Variants in KCNIP1 observed in about 807,000 individuals in gnomAD.
KCNIP1 encodes the protein A-type potassium channel modulatory protein KCNIP1.
KCNIP1 carries 18 observed loss-of-function variants against 33.0 expected under a neutral mutation model. The observed-to-expected ratio is 0.55, with a 90% confidence interval of 0.38 to 0.81. The LOEUF is 0.81. Ranked by LOEUF, KCNIP1 falls within the 30% of genes least tolerant of loss-of-function variation. KCNIP1 has a pLI of 0.00. For missense variants in KCNIP1, 238 were observed against 271.6 expected, an observed-to-expected ratio of 0.88 and a Z score of 0.87; for synonymous variants, 93 against 98.3, an observed-to-expected ratio of 0.95 and a Z score of 0.32.
intron 1 of KCNIP1, among the ~76,000 whole-genome samples, chr5:170,508,938 T>C (rs1482091082): frequency 3.3e-5 from 5 of 152,022 alleles, no homozygotes; most frequent in African/African-American, 1.2e-4. Context: ...GAGGTCAGGG[T>C]TCTTGGGGGT....
intron 1 of KCNIP1, among the ~76,000 whole-genome samples, chr5:170,672,277 C>A (rs978328444): frequency 1.3e-5 from 2 of 152,198 alleles, no homozygotes; most frequent in African/African-American, 4.8e-5. Context: ...TCAATGACAG[C>A]AACATATGGC....
chr5:170,363,897 A>AC (rs139162114), intron 1 of KCNIP1, among the ~76,000 whole-genome samples: 4,149 of 152,094 alleles, frequency 0.027, 112 homozygotes, highest in African/African-American at 0.071. Context: ...TCTGGCAGCC[A>AC]CCACTGTACT....
upstream of KCNIP1, chr5:170,503,990 C>T (rs1754592929): frequency 2.1e-6 from 2 of 946,602 alleles, no homozygotes; most frequent in South Asian, 4.8e-5. Context: ...GCCCGCCCGC[C>T]GCCCCCTCCG....
rs151221366 is a variant in KCNIP1, at chr5:170,462,718, G to A, written c.88+108754G>A. Among the ~76,000 whole-genome samples, 124 of 152,238 alleles carry A rather than the reference G, an allele frequency of 8.1e-4. 1 individual carries two copies. In the East Asian group the frequency reaches 0.023, roughly 28 times the overall value. ...CAGCACAATTCGCAATTGTAAAAAC[G>A]TGGAACCAGCCCAAATGCACATAAA... On this transcript the variant is annotated intron_variant, in intron 1 of 7. Transcript: ENST00000377360.
At chr5:170,679,635 G>A (rs915828628) in intron 1 of KCNIP1, among the ~76,000 whole-genome samples, 15 of 150,706 alleles carry the variant, frequency 1.0e-4, no homozygotes, top group African/African-American at 3.7e-4. Flanking sequence ...CAGTGTGTGT[G>A]TGTGTGTGTG....
At chr5:170,388,680 G>A (rs1373984940) in intron 1 of KCNIP1, among the ~76,000 whole-genome samples, 1 of 152,182 alleles carries the variant, frequency 6.6e-6, no homozygotes, top group Non-Finnish European at 1.5e-5. Flanking sequence ...GTTTGGTGGG[G>A]TGTGGACAGG....
intron 1 of KCNIP1, among the ~76,000 whole-genome samples, chr5:170,632,854 G>A (rs760696452): frequency 6.6e-6 from 1 of 152,204 alleles, no homozygotes; most frequent in African/African-American, 2.4e-5. Flanking sequence ...CTAATGCTGT[G>A]CTGAGGGTTC....
At chr5:170,413,510 T>C (rs1755250721) in intron 1 of KCNIP1, among the ~76,000 whole-genome samples, 1 of 152,106 alleles carries the variant, frequency 6.6e-6, no homozygotes, top group Non-Finnish European at 1.5e-5. Flanking sequence ...GGGTGTGACC[T>C]TGCACTTCTC....
chr5:170,682,288 T>C (rs1762377744), intron 1 of KCNIP1, among the ~76,000 whole-genome samples: 1 of 152,220 alleles, frequency 6.6e-6, no homozygotes, highest in Non-Finnish European at 1.5e-5. Flanking sequence ...ATGATGACTT[T>C]AGATCTCTGT....
chr5:170,717,384 G>T (rs1763675995), intron 1 of KCNIP1, among the ~76,000 whole-genome samples: 1 of 151,932 alleles, frequency 6.6e-6, no homozygotes, highest in Non-Finnish European at 1.5e-5. Context: ...ATGAATTCTG[G>T]GGAAATTGGC....
intron 1 of KCNIP1, among the ~76,000 whole-genome samples, chr5:170,404,503 G>T (rs1267788590): frequency 1.3e-5 from 2 of 152,176 alleles, no homozygotes; most frequent in African/African-American, 2.4e-5. Flanking sequence ...CTTGCAGTCA[G>T]TCGGTCCCAG....
chr5:170,450,161 A>G (rs1248504552), intron 1 of KCNIP1, among the ~76,000 whole-genome samples: 1 of 103,556 alleles, frequency 9.7e-6, no homozygotes, highest in Admixed American at 1.6e-4. Flanking sequence ...TTAATTACCC[A>G]CAAGTGTGTT....
intron 1 of KCNIP1, among the ~76,000 whole-genome samples, chr5:170,671,546 C>T (rs1475751795): frequency 6.6e-6 from 1 of 152,144 alleles, no homozygotes; most frequent in South Asian, 2.1e-4. Context: ...GCTGTCATGG[C>T]CCTGAGTATT....
intron 1 of KCNIP1, among the ~76,000 whole-genome samples, chr5:170,478,060 G>A (rs1756896513): frequency 6.6e-6 from 1 of 152,100 alleles, no homozygotes; most frequent in Non-Finnish European, 1.5e-5. Flanking sequence ...CATGCCTCCT[G>A]GGAGGTTCAG....
intron 1 of KCNIP1, among the ~76,000 whole-genome samples, chr5:170,652,102 G>C (rs1761066048): frequency 6.6e-6 from 1 of 152,180 alleles, no homozygotes; most frequent in Non-Finnish European, 1.5e-5. Flanking sequence ...GAGACAGAGA[G>C]AGGAAGACAA....
intron 1 of KCNIP1, among the ~76,000 whole-genome samples, chr5:170,627,891 C>T (rs916361075): frequency 7.2e-5 from 11 of 152,216 alleles, no homozygotes; most frequent in Admixed American, 3.9e-4. Flanking sequence ...CCCAAAGAAA[C>T]GTATCAGCAG....
intron 1 of KCNIP1, among the ~76,000 whole-genome samples, chr5:170,546,904 G>C (rs1001462964): frequency 1.3e-5 from 2 of 152,018 alleles, no homozygotes; most frequent in Non-Finnish European, 2.9e-5. Flanking sequence ...CTTTCTATCT[G>C]TGCTAATTTT....
intron 1 of KCNIP1, among the ~76,000 whole-genome samples, chr5:170,591,490 GCAGTT>G (rs1202913931): frequency 5.9e-5 from 9 of 152,258 alleles, no homozygotes; most frequent in African/African-American, 1.9e-4. Context: ...TTTGGAGTGC[GCAGTT>G]CAGTACCACC....
rs916509978 is a variant in KCNIP1, at chr5:170,384,130, G to A, written c.88+30166G>A. Among the ~76,000 whole-genome samples the A allele has an allele frequency of 5.3e-5, 8 of 152,288 alleles. No individual in the cohort carries two copies. The East Asian group carries it at 1.2e-3, about 22-fold the overall frequency. On this transcript the variant is annotated intron_variant, in intron 1 of 7. Coordinates refer to the KCNIP1 transcript ENST00000377360. Reference sequence around the variant, plus strand: ...CTGGGGAGCTTCTAAAAAGATTCCCGTGTCCAAGCTACACCCCAGAGCAAG... The same window carrying A: ...CTGGGGAGCTTCTAAAAAGATTCCCATGTCCAAGCTACACCCCAGAGCAAG...
Sources: allele counts gnomAD v4.1 joint callset (sites outside exome capture counted in the v4.1 genomes callset), GRCh38; gene constraint gnomAD v4.1.1; transcripts MANE v1.5; gene names NCBI Gene and HGNC (gene_info 2026-07-23, HGNC 2026-07-21).